The following RALGPS2 variants were observed in gnomAD, a reference collection of about 807,000 sequenced individuals.
The protein encoded by RALGPS2 is Ral GEF with PH domain and SH3 binding motif 2.
Under a neutral mutation model 86.8 loss-of-function variants are expected in RALGPS2, and 43 were observed. The ratio of observed to expected loss-of-function variants is 0.50; its 90% CI spans 0.39 to 0.64. The LOEUF is 0.64. Ranked by LOEUF, RALGPS2 falls within the 30% of genes least tolerant of loss-of-function variation. The probability of loss-of-function intolerance (pLI) is 0.00; values close to 1 mark genes in which losing one functional copy is unlikely to be tolerated. For synonymous variants in RALGPS2, 243 were observed against 231.3 expected, an observed-to-expected ratio of 1.05 and a Z score of -0.46; for missense variants, 536 against 694.6, an observed-to-expected ratio of 0.77 and a Z score of 2.57.
At chr1:178,777,105 C>G (rs1421784078) in intron 2 of RALGPS2, among the ~76,000 whole-genome samples, 1 of 123,448 alleles carries the variant, frequency 8.1e-6, no homozygotes, top group East Asian at 2.8e-4. Context: ...TCCCCCCTCC[C>G]CCCACCCCAC....
At chr1:178,867,783 G>A (rs1039992590) in intron 8 of RALGPS2, among the ~76,000 whole-genome samples, 12 of 151,548 alleles carry the variant, frequency 7.9e-5, no homozygotes, top group Non-Finnish European at 1.5e-4. Flanking sequence ...TCTGTCAGCT[G>A]ATAGTTATAT....
chr1:178,865,161 G>T (rs748411414), intron 8 of RALGPS2: 1 of 1,607,286 alleles, frequency 6.2e-7, no homozygotes, highest in Non-Finnish European at 8.5e-7. Context: ...GTGTCTTGTC[G>T]GGAAAATATC....
At chr1:178,852,774 C>T (rs1363680465) in intron 8 of RALGPS2, 6 of 1,613,904 alleles carry the variant, frequency 3.7e-6, no homozygotes, top group Non-Finnish European at 5.1e-6. Context: ...GGTAAGTTCC[C>T]AGGCGCAGTC....
At chr1:178,838,293 C>A (rs1280951184) in intron 8 of RALGPS2, among the ~76,000 whole-genome samples, 1 of 152,202 alleles carries the variant, frequency 6.6e-6, no homozygotes, top group Non-Finnish European at 1.5e-5. Flanking sequence ...CAGACTGACA[C>A]CTCACACATC....
chr1:178,823,488 A>G (rs1655606824), intron 7 of RALGPS2, among the ~76,000 whole-genome samples: 1 of 152,242 alleles, frequency 6.6e-6, no homozygotes, highest in South Asian at 2.1e-4. Context: ...GTACTGTGTT[A>G]TGTAACATGG....
intron 8 of RALGPS2, chr1:178,852,867 C>G (rs1657272741): frequency 1.2e-6 from 2 of 1,613,878 alleles, no homozygotes; most frequent in East Asian, 4.5e-5. Flanking sequence ...CTAATTCAAT[C>G]AATAACTTGT....
At chr1:178,824,424 A>T (rs1455645962) in intron 7 of RALGPS2, among the ~76,000 whole-genome samples, 1 of 152,198 alleles carries the variant, frequency 6.6e-6, no homozygotes, top group Non-Finnish European at 1.5e-5. Context: ...AACTAAAAAA[A>T]TGACAAGAGA....
At chr1:178,827,311 A>T (rs931197951) in intron 7 of RALGPS2, among the ~76,000 whole-genome samples, 1 of 152,214 alleles carries the variant, frequency 6.6e-6, no homozygotes, top group African/African-American at 2.4e-5. Context: ...ACAATTCTAA[A>T]ATTCACATGG....
chr1:178,835,027 C>T lies in RALGPS2; in HGVS notation c.607+1477C>T, dbSNP rs188405704. Among the ~76,000 whole-genome samples the T allele has an allele frequency of 9.8e-5, 15 of 152,342 alleles. No homozygotes were observed. The East Asian group carries it at 2.7e-3, about 27-fold the overall frequency. On this transcript the variant is annotated intron_variant, in intron 8 of 19. Coordinates refer to ENST00000367635, the MANE Select transcript of RALGPS2 (RefSeq NM_152663.5). Reference sequence around the variant, plus strand: ...TCCTGGCCTCAAGTGATCCGCCCATCTCAGTCTCCCAAAGTGCTGGGATTG... The same window carrying T: ...TCCTGGCCTCAAGTGATCCGCCCATTTCAGTCTCCCAAAGTGCTGGGATTG...
chr1:178,732,398 A>T (rs921360277), intron 1 of RALGPS2, among the ~76,000 whole-genome samples: 1 of 152,108 alleles, frequency 6.6e-6, no homozygotes, highest in South Asian at 2.1e-4. Flanking sequence ...TCCTGGGTTC[A>T]GGTGGTTCTC....
intron 2 of RALGPS2, 21 bp from the exon 3 acceptor site, chr1:178,784,397 C>A: frequency 6.4e-7 from 1 of 1,571,646 alleles, no homozygotes; most frequent in Non-Finnish European, 8.7e-7. Flanking sequence ...TAAAAGGCTG[C>A]ATTTTCTTTC....
intron 4 of RALGPS2, among the ~76,000 whole-genome samples, chr1:178,788,743 A>G (rs1304791757): frequency 6.6e-6 from 1 of 151,906 alleles, no homozygotes; most frequent in Non-Finnish European, 1.5e-5. Context: ...TGAGCAGAGA[A>G]GTGACATTTT....
In RALGPS2 at chr1:178,819,173, T is replaced by A. The variant is rs542399804; in HGVS notation, c.388-2439T>A. ...ACCTGGTTAATTTCTGTGTTTTTTTTATAGAGACAAGGTTTTGCCATGTTG... is the reference window on the plus strand; with the variant it reads ...ACCTGGTTAATTTCTGTGTTTTTTTAATAGAGACAAGGTTTTGCCATGTTG... On this transcript the variant is annotated intron_variant, in intron 6 of 19. Coordinates refer to ENST00000367635, the MANE Select transcript of RALGPS2 (RefSeq NM_152663.5). 1.2e-4 allele frequency among the ~76,000 whole-genome samples: 18 copies of A among 151,916 alleles called. No homozygotes were observed. The South Asian group carries it at 3.3e-3, about 28-fold the overall frequency.
rs571098203 is a variant in RALGPS2, at chr1:178,881,274, G to A, written c.837-2192G>A. 1.1e-4 allele frequency among the ~76,000 whole-genome samples: 16 copies of A among 152,302 alleles called. No homozygotes were observed. The East Asian group carries it at 3.1e-3, about 29-fold the overall frequency. ...GAAATATGAACAGCTTCAGGAGACA[G>A]CGTCATCTGAGGCTGAATCTTAACA... On this transcript the variant is annotated intron_variant, in intron 10 of 19. Transcript: ENST00000367635.
chr1:178,756,648 T>C (rs975112314), intron 1 of RALGPS2, among the ~76,000 whole-genome samples: 2 of 152,196 alleles, frequency 1.3e-5, no homozygotes, highest in Admixed American at 6.5e-5. Flanking sequence ...TCAGGTTCTT[T>C]TTTGGTTCCA....
At chr1:178,814,432 C>G (rs994929880) in intron 6 of RALGPS2, among the ~76,000 whole-genome samples, 4 of 152,148 alleles carry the variant, frequency 2.6e-5, no homozygotes, top group Admixed American at 6.5e-5. Flanking sequence ...TACTGAGTCT[C>G]TCTCTCTCTC....
chr1:178,845,782 C>T (rs1454109709), intron 8 of RALGPS2, among the ~76,000 whole-genome samples: 1 of 152,106 alleles, frequency 6.6e-6, no homozygotes, highest in African/African-American at 2.4e-5. Flanking sequence ...CAAGAGATTA[C>T]AATGGGCTTT....
chr1:178,756,427 T>G lies in RALGPS2; in HGVS notation c.-83-20255T>G, dbSNP rs549004933. 1.7e-4 allele frequency among the ~76,000 whole-genome samples: 26 copies of G among 152,326 alleles called. No individual in the cohort carries two copies. The South Asian group carries it at 5.2e-3, about 30-fold the overall frequency. On this transcript the variant is annotated intron_variant, in intron 1 of 19. Coordinates refer to ENST00000367635, the MANE Select transcript of RALGPS2 (RefSeq NM_152663.5). ...TATTTAATAGGAAGACTTTTCCCAT[T>G]GCTCATTTTTGTTAACTTTATACAA...
At chr1:178,741,678 CA>C (rs1651033144) in intron 1 of RALGPS2, among the ~76,000 whole-genome samples, 1 of 151,442 alleles carries the variant, frequency 6.6e-6, no homozygotes. Flanking sequence ...GCTAAGAAGC[CA>C]ACAAAGGAGA....
Sources: allele counts gnomAD v4.1 joint callset (sites outside exome capture counted in the v4.1 genomes callset), GRCh38; gene constraint gnomAD v4.1.1; transcripts MANE v1.5; gene names NCBI Gene and HGNC (gene_info 2026-07-23, HGNC 2026-07-21).